RSPO2: variants seen among roughly 807,000 people sequenced by gnomAD.
RSPO2 encodes the protein R-spondin 2, also known as R-spondin-2.
Under a neutral mutation model 30.9 loss-of-function variants are expected in RSPO2, and 14 were observed. The observed-to-expected ratio is 0.45, with a 90% CI of 0.30 to 0.71. The LOEUF (loss-of-function observed/expected upper bound fraction) is 0.71. RSPO2 is among the 30% of genes least tolerant of loss of function. The pLI is 0.08. For missense variants in RSPO2, 264 were observed against 301.9 expected (o/e 0.87, Z 0.93); for synonymous variants, 107 against 96.4 (o/e 1.11, Z -0.64).
At chr8:107,953,179 G>A (rs1479000403) in intron 5 of RSPO2, among the ~76,000 whole-genome samples, 1 of 152,214 alleles carries the variant, frequency 6.6e-6, no homozygotes, top group Non-Finnish European at 1.5e-5. Context: ...GCCTTCTGAT[G>A]TGGAGATGGG....
intron 2 of RSPO2, 61 bp from the exon 3 acceptor site, chr8:107,989,305 C>A (rs1814770254): frequency 9.5e-7 from 1 of 1,055,040 alleles, no homozygotes; most frequent in Non-Finnish European, 1.4e-6. Context: ...TTGGTAAATA[C>A]ACCTGCTGAA....
intron 5 of RSPO2, among the ~76,000 whole-genome samples, chr8:107,928,018 G>T (rs1029900535): frequency 6.6e-6 from 1 of 152,064 alleles, no homozygotes; most frequent in African/African-American, 2.4e-5. Context: ...AAATCACTGT[G>T]CAGGTAAAGA....
chr8:107,929,883 A>ATG (rs1428923619), intron 5 of RSPO2, among the ~76,000 whole-genome samples: 1 of 152,170 alleles, frequency 6.6e-6, no homozygotes, highest in African/African-American at 2.4e-5. Flanking sequence ...ATAAGGCACA[A>ATG]TGTCTGCCAG....
intron 5 of RSPO2, among the ~76,000 whole-genome samples, chr8:107,928,223 C>T (rs1812446163): frequency 6.6e-6 from 1 of 152,226 alleles, no homozygotes; most frequent in Non-Finnish European, 1.5e-5. Flanking sequence ...AGAAAAATAG[C>T]CACCAGGTTC....
intron 3 of RSPO2, among the ~76,000 whole-genome samples, chr8:107,962,041 C>T (rs1813643967): frequency 6.6e-6 from 1 of 152,154 alleles, no homozygotes; most frequent in African/African-American, 2.4e-5. Context: ...GATTGTGGTA[C>T]ATTATTACTT....
chr8:107,949,363 T>C (rs1219152827), intron 5 of RSPO2, among the ~76,000 whole-genome samples: 1 of 152,316 alleles, frequency 6.6e-6, no homozygotes, highest in East Asian at 1.9e-4. Flanking sequence ...GGAGTGGTAT[T>C]CCATGGTGTA....
At chr8:108,070,558 G>C (rs1019523853) in intron 2 of RSPO2, among the ~76,000 whole-genome samples, 1 of 152,126 alleles carries the variant, frequency 6.6e-6, no homozygotes, top group Non-Finnish European at 1.5e-5. Flanking sequence ...TCCCAAAGAA[G>C]ACCCCATCTC....
chr8:107,989,260 A>C lies in RSPO2; in HGVS notation c.95-16T>G. 1 of 1,528,530 alleles carries C rather than the reference A, an allele frequency of 6.5e-7. No homozygotes were observed. Among genetic ancestry groups the C allele is most frequent in the Non-Finnish European group, 8.8e-7 (1 of 1,141,286 alleles). 94.7% of individuals were successfully genotyped at this position (1,528,530 alleles called of 1,614,324 possible). On this transcript the variant is annotated splice_polypyrimidine_tract_variant and intron_variant, in intron 2 of 5. Transcript: ENST00000276659. Reference sequence around the variant, plus strand: ...ACATAACTAGCTGTAAAAGAAAAACAAAAATTGTGTTTAATTATCAGTATA... The same window carrying C: ...ACATAACTAGCTGTAAAAGAAAAACCAAAATTGTGTTTAATTATCAGTATA...
At chr8:107,952,696 C>G (rs1299211053) in intron 5 of RSPO2, among the ~76,000 whole-genome samples, 1 of 152,086 alleles carries the variant, frequency 6.6e-6, no homozygotes, top group Admixed American at 6.5e-5. Context: ...TGCTTATTTC[C>G]TGCTCTGGGG....
chr8:108,046,989 A>G (rs952617933), intron 2 of RSPO2, among the ~76,000 whole-genome samples: 3 of 152,228 alleles, frequency 2.0e-5, no homozygotes, highest in Non-Finnish European at 4.4e-5. Context: ...GAAAGGTTAA[A>G]GAGAGAGAAA....
chr8:108,053,191 G>C (rs1187642916), intron 2 of RSPO2, among the ~76,000 whole-genome samples: 2 of 152,126 alleles, frequency 1.3e-5, no homozygotes, highest in African/African-American at 4.8e-5. Flanking sequence ...TTGCAGGAGA[G>C]CTTCTTGGGG....
At chr8:108,002,305 A>C (rs2130561262) in intron 2 of RSPO2, among the ~76,000 whole-genome samples, 1 of 152,342 alleles carries the variant, frequency 6.6e-6, no homozygotes, top group Non-Finnish European at 1.5e-5. Flanking sequence ...CCAATTATTT[A>C]AATAGAAGAA....
At chr8:107,944,575 T>A (rs1357092047) in intron 5 of RSPO2, among the ~76,000 whole-genome samples, 1 of 152,100 alleles carries the variant, frequency 6.6e-6, no homozygotes, top group East Asian at 1.9e-4. Context: ...ACAAAAAAAA[T>A]CTTAATTGCA....
chr8:108,064,465 A>G (rs1434326162), intron 2 of RSPO2, among the ~76,000 whole-genome samples: 1 of 152,228 alleles, frequency 6.6e-6, no homozygotes, highest in African/African-American at 2.4e-5. Flanking sequence ...AATCAAAACC[A>G]CAATGAGATA....
chr8:107,941,939 A>T (rs1346868237), intron 5 of RSPO2, among the ~76,000 whole-genome samples: 1 of 152,200 alleles, frequency 6.6e-6, no homozygotes, highest in Non-Finnish European at 1.5e-5. Context: ...ACTTTCTCCC[A>T]TGACCACAGA....
rs1393868625 is a variant in RSPO2, at chr8:107,983,527, C to G, written c.283+5529G>C. 5 of 1,600,514 alleles carry G rather than the reference C, an allele frequency of 3.1e-6. No individual in the cohort carries two copies. In the African/African-American group the frequency reaches 6.7e-5, roughly 21 times the overall value. On this transcript the variant is annotated intron_variant, in intron 3 of 5. Coordinates refer to ENST00000276659, the MANE Select transcript of RSPO2 (RefSeq NM_178565.5). ...GATTCAGGGGATCTTTGACAGGGAT[C>G]CAGACACACTACTATATTTACTTCA...
intron 5 of RSPO2, among the ~76,000 whole-genome samples, chr8:107,911,427 TA>T (rs2130274640): frequency 6.6e-6 from 1 of 152,300 alleles, no homozygotes; most frequent in South Asian, 2.1e-4. Context: ...CAGACAGCCC[TA>T]GATTCAAAGC....
intron 2 of RSPO2, among the ~76,000 whole-genome samples, chr8:108,003,849 C>T (rs1206186345): frequency 6.6e-6 from 1 of 152,086 alleles, no homozygotes; most frequent in Non-Finnish European, 1.5e-5. Flanking sequence ...AATTTGAATG[C>T]AGTTCTGACC....
In RSPO2 at chr8:107,927,558, T is replaced by C. The variant is rs1201244062; in HGVS notation, c.617-26368A>G. 3.9e-5 allele frequency among the ~76,000 whole-genome samples: 6 copies of C among 152,270 alleles called. No homozygotes were observed. In the East Asian group the frequency reaches 1.2e-3, roughly 29 times the overall value. ...TTGTCATAAATAGCTCTTATTATTT[T>C]GAGATACGTCCCATCAATACCTAAT... On this transcript the variant is annotated intron_variant, in intron 5 of 5. Coordinates refer to ENST00000276659, the MANE Select transcript of RSPO2 (RefSeq NM_178565.5).
Sources: allele counts gnomAD v4.1 joint callset (sites outside exome capture counted in the v4.1 genomes callset), GRCh38; gene constraint gnomAD v4.1.1; transcripts MANE v1.5; gene names NCBI Gene and HGNC (gene_info 2026-07-23, HGNC 2026-07-21).